The following EEFSEC variants were observed in gnomAD, a reference collection of about 807,000 sequenced individuals.
EEFSEC encodes the protein selenocysteine-specific elongation factor.
In EEFSEC, 43 loss-of-function variants were observed where a neutral mutation model predicts 42.1. That is an observed-to-expected ratio of 1.02 (90% CI 0.80 to 1.32). The LOEUF is 1.32. Ranked by LOEUF, EEFSEC falls within the 40% of genes most tolerant of loss-of-function variation. The pLI is 0.00. For missense variants in EEFSEC, 745 were observed against 803.6 expected (o/e 0.93, Z 0.88); for synonymous variants, 354 against 339.1 (o/e 1.04, Z -0.48).
rs767146680 is a variant in EEFSEC, at chr3:128,153,717, G to T, written c.210G>T (p.Glu70Asp). The change falls in exon 1 of 7, where the codon GAG becomes GAT. Residue 70 changes from glutamate to aspartate, a missense_variant. Transcript: ENST00000254730. ...CGCGCCTGCGGTCGTCTTTGCCCGAGTTCCAGGCAGCGCCCGAGGCCGAGC... is the reference window on the plus strand; with the variant it reads ...CGCGCCTGCGGTCGTCTTTGCCCGATTTCCAGGCAGCGCCCGAGGCCGAGC... ...LPARLRSSLPEFQAAPEAEPE... is the reference protein window; with the variant it reads ...LPARLRSSLPDFQAAPEAEPE... 6.3e-7 allele frequency: 1 copy of T among 1,581,068 alleles called. No individual in the cohort carries two copies. Among genetic ancestry groups the T allele is most frequent in the South Asian group, 1.1e-5 (1 of 88,082 alleles).
chr3:128,289,724 C>T (rs2107982108), intron 4 of EEFSEC, among the ~76,000 whole-genome samples: 1 of 152,342 alleles, frequency 6.6e-6, no homozygotes, highest in Admixed American at 6.5e-5. Flanking sequence ...CTCTGCACCG[C>T]CCTTCCAGCC....
chr3:128,347,026 G>A (rs2067319820), intron 5 of EEFSEC, among the ~76,000 whole-genome samples: 2 of 152,190 alleles, frequency 1.3e-5, no homozygotes, highest in Admixed American at 1.3e-4. Context: ...TCTTGAAATA[G>A]AATGAGCACC....
intron 1 of EEFSEC, among the ~76,000 whole-genome samples, chr3:128,198,570 G>C (rs1217945764): frequency 6.6e-6 from 1 of 152,202 alleles, no homozygotes; most frequent in South Asian, 2.1e-4. Flanking sequence ...GTAAAAACCA[G>C]TGACAGGGCC....
intron 2 of EEFSEC, among the ~76,000 whole-genome samples, chr3:128,247,544 T>C (rs1349256457): frequency 6.6e-6 from 1 of 152,236 alleles, no homozygotes; most frequent in African/African-American, 2.4e-5. Context: ...TTACAGAAGC[T>C]TGTAAGATTG....
At chr3:128,214,012 T>C (rs1443647031) in intron 1 of EEFSEC, among the ~76,000 whole-genome samples, 1 of 152,080 alleles carries the variant, frequency 6.6e-6, no homozygotes, top group Admixed American at 6.5e-5. Context: ...CTGAAAGACA[T>C]AATGGGGACA....
At chr3:128,355,173 G>A (rs930835613) in intron 5 of EEFSEC, among the ~76,000 whole-genome samples, 21 of 152,202 alleles carry the variant, frequency 1.4e-4, no homozygotes, top group Admixed American at 3.9e-4. Flanking sequence ...GGCCACAGGA[G>A]GTGCACAGAA....
intron 2 of EEFSEC, among the ~76,000 whole-genome samples, chr3:128,258,965 C>A (rs890424286): frequency 2.0e-5 from 3 of 152,170 alleles, no homozygotes; most frequent in African/African-American, 7.2e-5. Flanking sequence ...TCAGAGTTGG[C>A]TTTAAATCAC....
chr3:128,338,803 GGA>G (rs1169184803), intron 4 of EEFSEC, among the ~76,000 whole-genome samples: 6 of 152,186 alleles, frequency 3.9e-5, no homozygotes, highest in Non-Finnish European at 8.8e-5. Context: ...GTGGGGCGGT[GGA>G]GGGGGTACCA....
intron 5 of EEFSEC, among the ~76,000 whole-genome samples, chr3:128,344,545 G>A (rs991390474): frequency 8.5e-5 from 13 of 152,238 alleles, no homozygotes; most frequent in African/African-American, 2.9e-4. Flanking sequence ...CAAGGTCACA[G>A]GGTAGTAAAG....
At chr3:128,358,584 T>C (rs566920970) in intron 6 of EEFSEC, among the ~76,000 whole-genome samples, 1 of 152,150 alleles carries the variant, frequency 6.6e-6, no homozygotes, top group South Asian at 2.1e-4. Context: ...GAAGATCTGG[T>C]CTGAGCAGGG....
chr3:128,179,424 T>C (rs1461040957), intron 1 of EEFSEC, among the ~76,000 whole-genome samples: 2 of 152,218 alleles, frequency 1.3e-5, no homozygotes, highest in African/African-American at 4.8e-5. Context: ...GTTAGTTGTG[T>C]ATTTCTTGCT....
chr3:128,333,760 G>A (rs1369445553), intron 4 of EEFSEC, among the ~76,000 whole-genome samples: 2 of 152,198 alleles, frequency 1.3e-5, no homozygotes, highest in African/African-American at 4.8e-5. Flanking sequence ...ACCTCAAACT[G>A]TTCCTGCTGG....
chr3:128,410,963 C>T (rs568200403), downstream of EEFSEC, among the ~76,000 whole-genome samples: 183 of 152,336 alleles, frequency 1.2e-3, no homozygotes, highest in African/African-American at 4.2e-3. Flanking sequence ...CCCAGGGCGA[C>T]TCCCAGGAGC....
intron 6 of EEFSEC, among the ~76,000 whole-genome samples, chr3:128,362,794 C>T (rs2107595444): frequency 6.6e-6 from 1 of 152,322 alleles, no homozygotes; most frequent in South Asian, 2.1e-4. Flanking sequence ...ACAGCCGCGG[C>T]CTCATCCTAG....
At chr3:128,349,658 C>G (rs1367879000) in intron 5 of EEFSEC, among the ~76,000 whole-genome samples, 1 of 152,350 alleles carries the variant, frequency 6.6e-6, no homozygotes, top group South Asian at 2.1e-4. Context: ...CTCTTTGCCC[C>G]TGGCAGCATG....
chr3:128,207,176 C>G (rs1264916493), intron 1 of EEFSEC, among the ~76,000 whole-genome samples: 1 of 151,278 alleles, frequency 6.6e-6, no homozygotes, highest in Non-Finnish European at 1.5e-5. Context: ...GCCCTCCCTT[C>G]CTGCTCCCCT....
chr3:128,285,240 T>C (rs906572542), intron 4 of EEFSEC, among the ~76,000 whole-genome samples: 1 of 151,996 alleles, frequency 6.6e-6, no homozygotes, highest in Non-Finnish European at 1.5e-5. Context: ...GATGGTGCTG[T>C]GGATGCAGAA....
intron 4 of EEFSEC, 36 bp downstream of exon 4, chr3:128,264,817 G>C: frequency 6.3e-7 from 1 of 1,594,518 alleles, no homozygotes; most frequent in Non-Finnish European, 8.6e-7. Flanking sequence ...TGGCCTCCTC[G>C]CTGGCAGCAA....
At chr3:128,165,774 T>G (rs2065237529) in intron 1 of EEFSEC, among the ~76,000 whole-genome samples, 1 of 152,238 alleles carries the variant, frequency 6.6e-6, no homozygotes, top group Non-Finnish European at 1.5e-5. Context: ...CATTGCCCTG[T>G]CTGGCAGCAG....
Sources: gnomAD v4.1 joint callset for allele counts (sites outside exome capture counted in the v4.1 genomes callset) on GRCh38, gnomAD v4.1.1 for gene constraint, MANE v1.5 for transcripts, NCBI Gene and HGNC (gene_info 2026-07-23, HGNC 2026-07-21) for gene names.